The following KCNH1 variants were observed in gnomAD, a reference collection of about 807,000 sequenced individuals.
KCNH1 encodes potassium voltage-gated channel subfamily H member 1.
In KCNH1, 27 loss-of-function variants were observed where a neutral mutation model predicts 69.2. That is an observed-to-expected ratio of 0.39 (90% CI 0.29 to 0.54). KCNH1 has a LOEUF of 0.54. Among genes scored for constraint, KCNH1 ranks in the 20% least tolerant of loss-of-function variants. KCNH1 has a pLI of 0.68. For synonymous variants in KCNH1, 456 were observed against 487.7 expected (o/e 0.93, Z 0.86); for missense variants, 798 against 1,261.6 (o/e 0.63, Z 5.57).
intron 6 of KCNH1, among the ~76,000 whole-genome samples, chr1:211,004,424 T>C (rs1320650259): frequency 6.6e-6 from 1 of 152,138 alleles, no homozygotes; most frequent in Non-Finnish European, 1.5e-5. Flanking sequence ...GTTTAAAGCA[T>C]TCTAAAATCC....
chr1:211,126,852 G>A (rs1267931439), intron 1 of KCNH1, among the ~76,000 whole-genome samples: 1 of 152,060 alleles, frequency 6.6e-6, no homozygotes, highest in Non-Finnish European at 1.5e-5. Context: ...AATGTGGTTT[G>A]TTTAAAGAAA....
intron 7 of KCNH1, among the ~76,000 whole-genome samples, chr1:210,844,553 G>A (rs1558493599): frequency 6.6e-6 from 1 of 152,168 alleles, no homozygotes; most frequent in Non-Finnish European, 1.5e-5. Context: ...CAACATACCA[G>A]AATCTCTGGG....
intron 5 of KCNH1, among the ~76,000 whole-genome samples, chr1:211,035,178 C>T (rs1689871159): frequency 6.6e-6 from 1 of 150,596 alleles, no homozygotes; most frequent in Non-Finnish European, 1.5e-5. Context: ...TATTCAGTGC[C>T]TCTCTTCCCA....
intron 9 of KCNH1, among the ~76,000 whole-genome samples, chr1:210,778,397 C>T (rs1247733225): frequency 6.6e-6 from 1 of 152,040 alleles, no homozygotes; most frequent in African/African-American, 2.4e-5. Context: ...GTGGCATGCA[C>T]CTGTAGTTCC....
chr1:211,126,687 C>CAAAAAAA (rs71571980), intron 1 of KCNH1, among the ~76,000 whole-genome samples: 35 of 64,948 alleles, frequency 5.4e-4, no homozygotes, highest in African/African-American at 1.8e-3. Flanking sequence ...TATAATATCT[C>CAAAAAAA]AAAAAAAAAA....
intron 10 of KCNH1, among the ~76,000 whole-genome samples, chr1:210,768,701 C>T (rs1420150336): frequency 6.6e-6 from 1 of 152,172 alleles, no homozygotes; most frequent in Non-Finnish European, 1.5e-5. Context: ...AGCTTTAAAG[C>T]CCGTGTTCAT....
At chr1:210,853,521 T>C (rs1685756029) in intron 7 of KCNH1, among the ~76,000 whole-genome samples, 1 of 152,178 alleles carries the variant, frequency 6.6e-6, no homozygotes, top group Non-Finnish European at 1.5e-5. Context: ...AACTCTGTCC[T>C]ACAGGAGGAC....
At chr1:210,994,355 G>T (rs532314087) in intron 6 of KCNH1, among the ~76,000 whole-genome samples, 2 of 152,252 alleles carry the variant, frequency 1.3e-5, no homozygotes, top group South Asian at 4.1e-4. Flanking sequence ...AACTTGCAAA[G>T]GAATAAGACA....
At chr1:210,787,005 A>C (rs1328981925) in intron 9 of KCNH1, among the ~76,000 whole-genome samples, 5 of 152,020 alleles carry the variant, frequency 3.3e-5, no homozygotes, top group African/African-American at 1.2e-4. Flanking sequence ...TGCCAGGATG[A>C]TTTTTCTAAA....
intron 7 of KCNH1, among the ~76,000 whole-genome samples, chr1:210,822,859 C>T (rs193177733): frequency 3.3e-5 from 5 of 152,278 alleles, no homozygotes; most frequent in African/African-American, 9.6e-5. Context: ...TGTCTCAACA[C>T]GTCACACACT....
chr1:211,133,766 C>T lies in KCNH1; in HGVS notation c.79+101G>A. 3 of 1,128,594 alleles carry T rather than the reference C, an allele frequency of 2.7e-6. No homozygotes were observed. Among genetic ancestry groups the T allele is most frequent in the Non-Finnish European group, 2.6e-6 (2 of 764,610 alleles). 69.9% of individuals were successfully genotyped at this position (1,128,594 alleles called of 1,614,324 possible). ...CGCGCCGCGGCTCCTTAGCAGAGCT[C>T]GCGGGTTCTGCTGCATCTGCTGGCT... On this transcript the variant is annotated intron_variant, in intron 1 of 10. Transcript: ENST00000271751. The surrounding 1 kb of genome is among the most constrained non-coding windows in gnomAD (Gnocchi z 5.4).
chr1:210,817,802 G>A (rs752946954), intron 7 of KCNH1, among the ~76,000 whole-genome samples: 11 of 152,202 alleles, frequency 7.2e-5, no homozygotes, highest in Non-Finnish European at 1.2e-4. Context: ...AACCTAGGAA[G>A]TTTGGATACA....
At chr1:210,868,892 T>C (rs1274233600) in intron 7 of KCNH1, among the ~76,000 whole-genome samples, 1 of 152,284 alleles carries the variant, frequency 6.6e-6, no homozygotes, top group African/African-American at 2.4e-5. Flanking sequence ...TTCATTTGTA[T>C]AGATCTAAAT....
At chr1:210,977,043 C>T (rs1175179627) in intron 6 of KCNH1, among the ~76,000 whole-genome samples, 1 of 152,196 alleles carries the variant, frequency 6.6e-6, no homozygotes, top group Admixed American at 6.5e-5. Flanking sequence ...ATAGCAAAGA[C>T]TTGGAACCAA....
intron 5 of KCNH1, among the ~76,000 whole-genome samples, chr1:211,023,198 T>G (rs2102417026): frequency 6.6e-6 from 1 of 150,942 alleles, no homozygotes; most frequent in Admixed American, 6.6e-5. Context: ...TGAAGGGGAA[T>G]TATTACATAC....
At chr1:211,053,371 G>A (rs1435610562) in intron 5 of KCNH1, among the ~76,000 whole-genome samples, 2 of 152,174 alleles carry the variant, frequency 1.3e-5, no homozygotes, top group African/African-American at 4.8e-5. Flanking sequence ...AATGAGAGCT[G>A]AAACCAAACA....
At chr1:211,027,869 A>G (rs950873833) in intron 5 of KCNH1, among the ~76,000 whole-genome samples, 2 of 152,116 alleles carry the variant, frequency 1.3e-5, no homozygotes, top group African/African-American at 2.4e-5. Context: ...CCCACAGTAC[A>G]CCTCTCTCAA....
intron 10 of KCNH1, among the ~76,000 whole-genome samples, chr1:210,741,879 G>A (rs1683041145): frequency 1.3e-5 from 2 of 152,160 alleles, no homozygotes; most frequent in Admixed American, 6.5e-5. Flanking sequence ...CTACAGAAAG[G>A]AAGTGTGCTG....
chr1:210,791,169 C>T (rs1170295633), intron 9 of KCNH1, among the ~76,000 whole-genome samples: 1 of 152,302 alleles, frequency 6.6e-6, no homozygotes, highest in Non-Finnish European at 1.5e-5. Context: ...TTGGTCATTT[C>T]TTGTGGTTTA....
Sources: allele counts gnomAD v4.1 joint callset (sites outside exome capture counted in the v4.1 genomes callset), GRCh38; gene constraint gnomAD v4.1.1; non-coding constraint Gnocchi (gnomAD v3.1); transcripts MANE v1.5; gene names NCBI Gene and HGNC (gene_info 2026-07-23, HGNC 2026-07-21).